Variants in USP37 observed in about 807,000 individuals in gnomAD.
USP37 encodes the protein ubiquitin carboxyl-terminal hydrolase 37.
Under a neutral mutation model 124.0 loss-of-function variants are expected in USP37, and 27 were observed. That is an observed-to-expected ratio of 0.22 (90% CI 0.16 to 0.30). The LOEUF is 0.30. Ranked by LOEUF, USP37 falls within the 10% of genes least tolerant of loss-of-function variation. USP37 has a pLI of 1.00. For missense variants in USP37, 889 were observed against 1,140.4 expected, an observed-to-expected ratio of 0.78 and a Z score of 3.17; for synonymous variants, 365 against 388.0, an observed-to-expected ratio of 0.94 and a Z score of 0.70.
chr2:218,552,135 T>C (rs1181026175), intron 5 of USP37, among the ~76,000 whole-genome samples: 1 of 152,206 alleles, frequency 6.6e-6, no homozygotes, highest in Non-Finnish European at 1.5e-5. Context: ...TAAATTGATA[T>C]GCTCCAATTT....
At chr2:218,524,906 G>A (rs765631694) in intron 10 of USP37, among the ~76,000 whole-genome samples, 6 of 152,142 alleles carry the variant, frequency 3.9e-5, no homozygotes, top group Admixed American at 1.3e-4. Flanking sequence ...CACCATGCCC[G>A]GCCAGAAGGA....
At chr2:218,544,406 A>AAAAAAATATATAT (rs1312705279) in intron 8 of USP37, among the ~76,000 whole-genome samples, 2 of 82,992 alleles carry the variant, frequency 2.4e-5, no homozygotes, top group African/African-American at 1.4e-4. Flanking sequence ...AAAAAAAAAA[A>AAAAAAATATATAT]ATATATATAT....
chr2:218,562,069 T>C (rs1199120092), intron 2 of USP37, among the ~76,000 whole-genome samples: 1 of 152,220 alleles, frequency 6.6e-6, no homozygotes, highest in Non-Finnish European at 1.5e-5. Flanking sequence ...GGACATAAAA[T>C]TGGCAGAACC....
chr2:218,553,850 A>T (rs1235794738), intron 4 of USP37, 126 bp from the exon 5 acceptor site: 73 of 1,025,878 alleles, frequency 7.1e-5, no homozygotes, highest in Admixed American at 3.6e-5. Flanking sequence ...CAGTAATTTA[A>T]TTTTTTTCAA....
chr2:218,472,864 C>A (rs1690771464), intron 20 of USP37, among the ~76,000 whole-genome samples: 1 of 152,008 alleles, frequency 6.6e-6, no homozygotes, highest in East Asian at 1.9e-4. Context: ...AATATATAGC[C>A]CACATTCTCA....
intron 10 of USP37, among the ~76,000 whole-genome samples, chr2:218,524,560 T>C (rs564476845): frequency 2.0e-5 from 3 of 152,352 alleles, no homozygotes; most frequent in Admixed American, 1.3e-4. Flanking sequence ...CCTCCTTTGA[T>C]AGAAAATATC....
intron 10 of USP37, among the ~76,000 whole-genome samples, chr2:218,529,741 CCT>C: frequency 6.6e-6 from 1 of 152,156 alleles, no homozygotes; most frequent in Admixed American, 6.5e-5. Context: ...TCCACCTCAG[CCT>C]CTCAAAGTGC....
chr2:218,456,975 AAAAAAG>A (rs1018950752), intron 24 of USP37, 111 bp downstream of exon 24: 31 of 1,125,168 alleles, frequency 2.8e-5, no homozygotes, highest in Admixed American at 5.5e-5. Context: ...ATCTCAAAAA[AAAAAAG>A]AAAAAGAAAA....
chr2:218,539,925 G>A (rs929782361), intron 8 of USP37, among the ~76,000 whole-genome samples: 4 of 152,058 alleles, frequency 2.6e-5, no homozygotes, highest in African/African-American at 9.7e-5. Flanking sequence ...CAGGAGAATT[G>A]AGTGAAACCA....
intron 11 of USP37, among the ~76,000 whole-genome samples, chr2:218,508,275 TTC>T (rs1689788444): frequency 6.6e-6 from 1 of 151,914 alleles, no homozygotes; most frequent in Non-Finnish European, 1.5e-5. Context: ...CAGTTTTTTT[TTC>T]TTTTTTTTTT....
chr2:218,483,496 CA>C (rs1187586868), intron 16 of USP37, among the ~76,000 whole-genome samples: 6 of 142,814 alleles, frequency 4.2e-5, no homozygotes, highest in African/African-American at 1.0e-4. Flanking sequence ...TTAAATTGAA[CA>C]AAAGTAGAAC....
chr2:218,554,526 C>T (rs1692846423), intron 4 of USP37, among the ~76,000 whole-genome samples: 1 of 152,132 alleles, frequency 6.6e-6, no homozygotes, highest in Non-Finnish European at 1.5e-5. Context: ...GCAGGCAGAT[C>T]ACCTGAGGTC....
intron 16 of USP37, among the ~76,000 whole-genome samples, chr2:218,485,269 C>T (rs1251603291): frequency 6.6e-6 from 1 of 152,118 alleles, no homozygotes; most frequent in African/African-American, 2.4e-5. Flanking sequence ...ACTCTCAAGA[C>T]CCTTTTTCTC....
At position 218,482,101 on chromosome 2, in the gene USP37, A is replaced by C; in HGVS notation, c.1804T>G (p.Phe602Val). 1 of 1,613,278 alleles carries C rather than the reference A, an allele frequency of 6.2e-7. No homozygotes were observed. The highest frequency in any genetic ancestry group is 8.5e-7 in the Non-Finnish European group (1 of 1,179,442). The stretch of plus-strand genomic sequence containing the variant: ...ATATGTGCACTCCAACCAAGGGTAA[A>C]AGGTGGTTTTGTATTTTCAGTGCAA... ...SHCTENTKPP[F>V]TLGWSAHMAI... The change falls in exon 17 of 26, where the codon TTT becomes GTT. Residue 602 changes from phenylalanine (F) to valine (V), a missense_variant. Physicochemically the swap from Phe to Val is conservative, Grantham distance 50. This residue lies in a region of USP37 where 504 missense variants were observed against 714.3 expected (regional missense o/e 0.71). Transcript: ENST00000258399.
chr2:218,558,926 T>C (rs956353186), intron 3 of USP37, among the ~76,000 whole-genome samples: 14 of 152,126 alleles, frequency 9.2e-5, no homozygotes, highest in South Asian at 4.1e-4. Flanking sequence ...CTCAAAGTGA[T>C]TGCCTTCACC....
intron 10 of USP37, among the ~76,000 whole-genome samples, chr2:218,526,900 C>T (rs1002071607): frequency 1.5e-4 from 21 of 144,304 alleles, no homozygotes; most frequent in African/African-American, 5.1e-4. Context: ...GCCATTCACC[C>T]GCCTCAGCCT....
At chr2:218,455,978 G>A (rs1287173916) in intron 24 of USP37, among the ~76,000 whole-genome samples, 1 of 152,140 alleles carries the variant, frequency 6.6e-6, no homozygotes, top group Non-Finnish European at 1.5e-5. Context: ...CCCAGGAGGT[G>A]GAGGTTGCAG....
At chr2:218,495,180 T>C (rs941384457) in intron 14 of USP37, among the ~76,000 whole-genome samples, 1 of 152,236 alleles carries the variant, frequency 6.6e-6, no homozygotes, top group Admixed American at 6.5e-5. Flanking sequence ...CTTGCTTTGT[T>C]GCCCAAGCTG....
chr2:218,457,219 T>A, intron 23 of USP37, 58 bp from the exon 24 acceptor site: 1 of 1,468,608 alleles, frequency 6.8e-7, no homozygotes, highest in Admixed American at 1.9e-5. Flanking sequence ...AGCAAAACAC[T>A]GAATATAAAT....
Sources: allele counts gnomAD v4.1 joint callset (sites outside exome capture counted in the v4.1 genomes callset), GRCh38; gene constraint gnomAD v4.1.1; regional missense constraint gnomAD v4.1.1; transcripts MANE v1.5; gene names NCBI Gene and HGNC (gene_info 2026-07-23, HGNC 2026-07-21).